The following GALNT13 variants were observed in gnomAD, a reference collection of about 807,000 sequenced individuals.
GALNT13 encodes the protein UDP-GalNAc:polypeptide N-acetylgalactosaminyltransferase 13.
Under a neutral mutation model 64.2 loss-of-function variants are expected in GALNT13, and 28 were observed. The ratio of observed to expected loss-of-function variants is 0.44; its 90% CI spans 0.32 to 0.60. The LOEUF is 0.60. Ranked by LOEUF, GALNT13 falls within the 20% of genes least tolerant of loss-of-function variation. The pLI, the probability that GALNT13 is intolerant of heterozygous loss-of-function variation, is 0.05. For missense variants in GALNT13, 577 were observed against 669.8 expected (o/e 0.86, Z 1.53); for synonymous variants, 214 against 224.6 (o/e 0.95, Z 0.42).
the GALNT13 span, among the ~76,000 whole-genome samples, chr2:153,549,715 G>A: frequency 6.6e-6 from 1 of 152,146 alleles, no homozygotes; most frequent in Admixed American, 6.6e-5. Flanking sequence ...GGGCTCCTGA[G>A]AAAATAAATG....
chr2:154,298,657 C>T (rs376393007), intron 8 of GALNT13, among the ~76,000 whole-genome samples: 4,108 of 7,816 alleles, frequency 0.53, 1,081 homozygotes, highest in Non-Finnish European at 0.62. Flanking sequence ...ATTGTATATA[C>T]AATTTATATA....
At chr2:154,153,519 G>A (rs1684196276) in intron 4 of GALNT13, among the ~76,000 whole-genome samples, 2 of 152,196 alleles carry the variant, frequency 1.3e-5, no homozygotes, top group African/African-American at 4.8e-5. Context: ...GTTTGTCTGT[G>A]CCCAGCCCCC....
the GALNT13 span, among the ~76,000 whole-genome samples, chr2:153,651,561 A>C: frequency 6.6e-6 from 1 of 152,194 alleles, no homozygotes; most frequent in Non-Finnish European, 1.5e-5. Context: ...ATCATTCCTA[A>C]GTATACTTGA....
chr2:153,584,203 G>A, the GALNT13 span, among the ~76,000 whole-genome samples: 2 of 152,160 alleles, frequency 1.3e-5, no homozygotes, highest in African/African-American at 4.8e-5. Context: ...CATTTCACCA[G>A]GGGCCTGAGA....
At chr2:154,304,177 G>T (rs909433753) in intron 9 of GALNT13, among the ~76,000 whole-genome samples, 3 of 152,106 alleles carry the variant, frequency 2.0e-5, no homozygotes, top group Non-Finnish European at 2.9e-5. Flanking sequence ...GTGTGATTAG[G>T]AAAAGGACTT....
chr2:153,859,750 T>C, the GALNT13 span, among the ~76,000 whole-genome samples: 1 of 152,146 alleles, frequency 6.6e-6, no homozygotes, highest in African/African-American at 2.4e-5. Flanking sequence ...TCCACCTAAA[T>C]TTTGATGTAA....
the GALNT13 span, among the ~76,000 whole-genome samples, chr2:153,253,622 T>C: frequency 6.6e-6 from 1 of 150,908 alleles, no homozygotes; most frequent in African/African-American, 2.4e-5. Flanking sequence ...AGATAGCTCT[T>C]ATTATTTTGA....
rs77829229 is a variant in GALNT13 at position 154,360,800 on chromosome 2, C to T, written c.1157-35191C>T. ...TCAAGGAACTCAGTTTGATGTGGCA[C>T]CATGATAGCTCTCAGGCAATTTAAG... On this transcript the variant is annotated intron_variant, in intron 9 of 12. Coordinates refer to ENST00000392825, the MANE Select transcript of GALNT13 (RefSeq NM_052917.4). Among the ~76,000 whole-genome samples, 387 of 152,084 alleles carry T rather than the reference C, an allele frequency of 2.5e-3. 4 individuals carry two copies. Among genetic ancestry groups the T allele is most frequent in the African/African-American group, 8.7e-3 (363 of 41,510 alleles).
At position 154,241,966 on chromosome 2, in the gene GALNT13, C is replaced by CT. The variant is rs920769620; in HGVS notation, c.312-59dup. Reference sequence around the variant, plus strand: ...TGAAGTTGTGTTATTATGGATATTTCTTTTTAAAATAATCAGGATAAAAAA... The same window carrying CT: ...TGAAGTTGTGTTATTATGGATATTTCTTTTTTAAAATAATCAGGATAAAAAA... On this transcript the variant is annotated intron_variant, in intron 4 of 12. Coordinates refer to ENST00000392825, the MANE Select transcript of GALNT13 (RefSeq NM_052917.4). The CT allele has an allele frequency of 5.3e-5, 55 of 1,035,160 alleles. No homozygotes were observed. In the African/African-American group the frequency reaches 8.4e-4, roughly 16 times the overall value. The allele number at this position is 1,035,160 out of a possible 1,614,324, so 64.1% of individuals were successfully genotyped here.
chr2:153,868,520 C>T (rs1401777063), upstream of GALNT13, among the ~76,000 whole-genome samples: 2 of 152,190 alleles, frequency 1.3e-5, no homozygotes. Context: ...ATCTTAATCT[C>T]TTAAAGTTAT....
At chr2:154,225,185 GATAGATAGATAC>G (rs1688549653) in intron 4 of GALNT13, among the ~76,000 whole-genome samples, 1 of 151,806 alleles carries the variant, frequency 6.6e-6, no homozygotes, top group Non-Finnish European at 1.5e-5. Context: ...TAGATAGATA[GATAGATAGATAC>G]AGAGACTGAG....
the GALNT13 span, among the ~76,000 whole-genome samples, chr2:153,523,090 A>C: frequency 8.2e-6 from 1 of 122,496 alleles, no homozygotes; most frequent in African/African-American, 3.5e-5. Flanking sequence ...CAGTTGTTCC[A>C]AACACCATTT....
the GALNT13 span, among the ~76,000 whole-genome samples, chr2:153,195,688 C>T: frequency 3.3e-5 from 5 of 152,308 alleles, no homozygotes; most frequent in East Asian, 1.9e-4. Flanking sequence ...TGCAATGTGG[C>T]GAGCAAGGGA....
At chr2:154,130,854 A>C (rs1385942588) in intron 3 of GALNT13, among the ~76,000 whole-genome samples, 2 of 152,212 alleles carry the variant, frequency 1.3e-5, no homozygotes, top group Non-Finnish European at 2.9e-5. Flanking sequence ...TGAATATTGG[A>C]TTATGTAAAC....
At chr2:153,711,035 C>T in the GALNT13 span, among the ~76,000 whole-genome samples, 8 of 151,970 alleles carry the variant, frequency 5.3e-5, no homozygotes, top group African/African-American at 1.9e-4. Context: ...AAACATTTGA[C>T]TTTAAAACAA....
intron 8 of GALNT13, among the ~76,000 whole-genome samples, chr2:154,261,163 T>C (rs892719983): frequency 6.6e-6 from 1 of 152,122 alleles, no homozygotes; most frequent in African/African-American, 2.4e-5. Flanking sequence ...ATGATGCAGA[T>C]ACCAAGGGTA....
chr2:153,248,054 A>T, the GALNT13 span, among the ~76,000 whole-genome samples: 1 of 152,244 alleles, frequency 6.6e-6, no homozygotes, highest in Non-Finnish European at 1.5e-5. Context: ...AAGTTCTGAA[A>T]TTCAGGCAGT....
At chr2:153,443,077 C>T in the GALNT13 span, among the ~76,000 whole-genome samples, 1 of 152,122 alleles carries the variant, frequency 6.6e-6, no homozygotes, top group Non-Finnish European at 1.5e-5. Flanking sequence ...CGCTGGAGTT[C>T]CAGGCACCAC....
chr2:153,443,420 G>A, the GALNT13 span, among the ~76,000 whole-genome samples: 3 of 152,176 alleles, frequency 2.0e-5, no homozygotes, highest in Non-Finnish European at 4.4e-5. Flanking sequence ...AGGTACCTCA[G>A]TTGGAAATGC....
Sources: gnomAD v4.1 joint callset for allele counts (sites outside exome capture counted in the v4.1 genomes callset) on GRCh38, gnomAD v4.1.1 for gene constraint, MANE v1.5 for transcripts, NCBI Gene and HGNC (gene_info 2026-07-23, HGNC 2026-07-21) for gene names.